PARP11: variants seen among roughly 807,000 people sequenced by gnomAD.
PARP11 encodes the protein poly(ADP-ribose) polymerase family member 11, also known as protein mono-ADP-ribosyltransferase PARP11.
Under a neutral mutation model 42.9 loss-of-function variants are expected in PARP11, and 31 were observed. That is an observed-to-expected ratio of 0.72 (90% CI 0.54 to 0.98). The LOEUF (loss-of-function observed/expected upper bound fraction) is 0.98, where lower values mean the gene tolerates loss of function less well. PARP11 is among the 50% of genes least tolerant of loss of function. The probability of loss-of-function intolerance (pLI) is 0.00; values close to 1 mark genes in which losing one functional copy is unlikely to be tolerated. For synonymous variants in PARP11, 137 were observed against 127.3 expected, an observed-to-expected ratio of 1.08 and a Z score of -0.51; for missense variants, 365 against 413.1, an observed-to-expected ratio of 0.88 and a Z score of 1.01.
At chr12:3,873,081 C>G in intron 1 of PARP11, 131 bp downstream of exon 1, 1 of 897,800 alleles carries the variant, frequency 1.1e-6, no homozygotes, top group Non-Finnish European at 1.8e-6. Context: ...CCAAAAGGCC[C>G]GGGAACTCCG....
chr12:3,827,566 T>C (rs1293632911), intron 3 of PARP11, among the ~76,000 whole-genome samples: 1 of 151,840 alleles, frequency 6.6e-6, no homozygotes, highest in Non-Finnish European at 1.5e-5. Context: ...GAGGGACAAA[T>C]GTCAGGGCCT....
intron 1 of PARP11, among the ~76,000 whole-genome samples, chr12:3,845,715 C>A (rs1430649925): frequency 6.6e-6 from 1 of 152,152 alleles, no homozygotes; most frequent in Non-Finnish European, 1.5e-5. Flanking sequence ...TGTTTAGAAT[C>A]CTAATAATGT....
chr12:3,839,869 A>G, intron 1 of PARP11: 4 of 1,078,762 alleles, frequency 3.7e-6, no homozygotes, highest in Non-Finnish European at 5.8e-6. Context: ...GGAACTAGAC[A>G]CGTTGGAAGT....
chr12:3,858,903 A>G, intron 1 of PARP11, among the ~76,000 whole-genome samples: 1 of 151,898 alleles, frequency 6.6e-6, no homozygotes. Flanking sequence ...CAGCCTGGCC[A>G]ACATGGTGAA....
chr12:3,841,763 G>C (rs1172387006), intron 1 of PARP11: 2 of 1,612,558 alleles, frequency 1.2e-6, no homozygotes, highest in Non-Finnish European at 8.5e-7. Context: ...GTTTGGCATG[G>C]GTACCCTTTT....
At chr12:3,856,327 C>T (rs1948187929) in intron 1 of PARP11, among the ~76,000 whole-genome samples, 1 of 152,150 alleles carries the variant, frequency 6.6e-6, no homozygotes, top group African/African-American at 2.4e-5. Flanking sequence ...TCAGAGTGAA[C>T]AGGCAACCTA....
At chr12:3,848,557 G>A (rs1438813026) in intron 1 of PARP11, among the ~76,000 whole-genome samples, 1 of 152,112 alleles carries the variant, frequency 6.6e-6, no homozygotes, top group Non-Finnish European at 1.5e-5. Context: ...AATGGGAACA[G>A]TCTCTTCAAT....
chr12:3,867,950 T>G (rs1948418834), intron 1 of PARP11, among the ~76,000 whole-genome samples: 1 of 152,160 alleles, frequency 6.6e-6, no homozygotes, highest in Non-Finnish European at 1.5e-5. Flanking sequence ...TTGATATTCC[T>G]AAACATCTGA....
At chr12:3,867,813 C>G (rs1948416545) in intron 1 of PARP11, among the ~76,000 whole-genome samples, 1 of 152,188 alleles carries the variant, frequency 6.6e-6, no homozygotes, top group African/African-American at 2.4e-5. Flanking sequence ...TTACTATCTT[C>G]CAAACATTCA....
chr12:3,856,937 A>T (rs1948202232), intron 1 of PARP11, among the ~76,000 whole-genome samples: 1 of 152,198 alleles, frequency 6.6e-6, no homozygotes, highest in Non-Finnish European at 1.5e-5. Context: ...ACCACGGAAT[A>T]CTATGCAGCC....
intron 1 of PARP11, among the ~76,000 whole-genome samples, chr12:3,864,649 T>C (rs1400099366): frequency 6.6e-6 from 1 of 152,220 alleles, no homozygotes; most frequent in African/African-American, 2.4e-5. Context: ...TGTATCTCTC[T>C]AGGAATATGT....
intron 1 of PARP11, among the ~76,000 whole-genome samples, chr12:3,847,267 C>T (rs1244609027): frequency 6.6e-6 from 1 of 152,146 alleles, no homozygotes; most frequent in East Asian, 1.9e-4. Flanking sequence ...GCTAATTCTA[C>T]TTAAACTCTT....
intron 1 of PARP11, chr12:3,872,889 G>C (rs1948516764): frequency 1.5e-6 from 1 of 664,960 alleles, no homozygotes; most frequent in Admixed American, 6.3e-5. Flanking sequence ...TCACGCCACT[G>C]CACTCCAGCC....
intron 6 of PARP11, among the ~76,000 whole-genome samples, chr12:3,814,782 A>T (rs1947252309): frequency 1.8e-5 from 2 of 109,230 alleles, no homozygotes; most frequent in African/African-American, 1.0e-4. Context: ...ATTATTTCAC[A>T]GAGAAATGAA....
At position 3,840,494 on chromosome 12, in the gene PARP11, C is replaced by G. The variant is rs745687336; in HGVS notation, c.19-10476G>C. 6.2e-7 allele frequency: 1 copy of G among 1,612,820 alleles called. No individual in the cohort carries two copies. The highest frequency in any genetic ancestry group is 1.7e-5 in the Admixed American group (1 of 60,000). ...GAGTTCTCTAGTCATTCTTCAGGGT[C>G]ACAGTCTCAGAAATTCTCCAGTGAG... On this transcript the variant is annotated intron_variant, in intron 1 of 7. Transcript: ENST00000228820. This position sits in a 1 kb window ranked among gnomAD's most constrained non-coding sequence, Gnocchi z 4.4.
intron 1 of PARP11, chr12:3,841,459 T>A: frequency 2.2e-6 from 3 of 1,394,552 alleles, no homozygotes; most frequent in Non-Finnish European, 3.1e-6. Flanking sequence ...TGATTGTACC[T>A]GTACTGATGC....
intron 3 of PARP11, among the ~76,000 whole-genome samples, chr12:3,827,203 A>G (rs1947545335): frequency 6.6e-6 from 1 of 152,228 alleles, no homozygotes; most frequent in Admixed American, 6.5e-5. Flanking sequence ...GTTGGAGCTG[A>G]TAACTGCAAA....
Position 3,812,024 on chromosome 12 carries a change from G to T in PARP11, c.*99C>A. ...ACTTTTTTTCATATCTGTTTCAAAA[G>T]TATCAGATAATTAACATTTAGTGGC... On this transcript the variant is annotated 3_prime_UTR_variant, in exon 8 of 8. Transcript: ENST00000228820. The T allele has an allele frequency of 1.1e-6, 1 of 880,532 alleles. No individual in the cohort carries two copies. Among genetic ancestry groups the T allele is most frequent in the Non-Finnish European group, 1.7e-6 (1 of 579,696 alleles). 54.5% of individuals were successfully genotyped at this position (880,532 alleles called of 1,614,324 possible). A position where few individuals can be genotyped will look rare whatever the true frequency, so the allele number is the denominator to read the frequency against.
intron 1 of PARP11, among the ~76,000 whole-genome samples, chr12:3,837,733 CAT>C (rs1461238305): frequency 1.3e-5 from 2 of 149,994 alleles, no homozygotes; most frequent in East Asian, 1.9e-4. Context: ...TAAAGACACA[CAT>C]GAGGATGAAA....
Sources: gnomAD v4.1 joint callset for allele counts (sites outside exome capture counted in the v4.1 genomes callset) on GRCh38, gnomAD v4.1.1 for gene constraint, Gnocchi (gnomAD v3.1) non-coding constraint, MANE v1.5 for transcripts, NCBI Gene and HGNC (gene_info 2026-07-23, HGNC 2026-07-21) for gene names.